Variants in PSMD11 observed in about 807,000 individuals in gnomAD.
PSMD11 encodes 26S proteasome non-ATPase regulatory subunit 11.
PSMD11 carries 5 observed loss-of-function variants against 62.3 expected under a neutral mutation model. The observed-to-expected ratio is 0.08, with a 90% CI of 0.04 to 0.17. The LOEUF (loss-of-function observed/expected upper bound fraction) is 0.17. Ranked by LOEUF, PSMD11 falls within the 10% of genes least tolerant of loss-of-function variation. PSMD11 has a pLI of 1.00. For missense variants in PSMD11, 310 were observed against 512.9 expected, an observed-to-expected ratio of 0.60 and a Z score of 3.82; for synonymous variants, 191 against 191.8, an observed-to-expected ratio of 1.00 and a Z score of 0.03.
intron 3 of PSMD11, among the ~76,000 whole-genome samples, chr17:32,457,265 C>A (rs1473206211): frequency 6.6e-6 from 1 of 151,942 alleles, no homozygotes; most frequent in Non-Finnish European, 1.5e-5. Flanking sequence ...TTTGAGACAG[C>A]CTTGCTCTGT....
intron 1 of PSMD11, chr17:32,445,206 A>G (rs1350616148): frequency 1.3e-5 from 2 of 156,292 alleles, no homozygotes; most frequent in Non-Finnish European, 2.8e-5. Flanking sequence ...CAGGGGTGAC[A>G]CACACCTCAG....
intron 11 of PSMD11, 74 bp downstream of exon 11, chr17:32,479,960 T>A: frequency 3.2e-6 from 5 of 1,543,764 alleles, no homozygotes; most frequent in Non-Finnish European, 4.5e-6. Context: ...TGCACCTGAT[T>A]GGCCTCATTG....
chr17:32,457,133 T>C (rs1907675782), intron 3 of PSMD11, among the ~76,000 whole-genome samples: 1 of 152,238 alleles, frequency 6.6e-6, no homozygotes, highest in African/African-American at 2.4e-5. Flanking sequence ...GCACATTACA[T>C]TTATATAAAG....
chr17:32,476,125 A>G (rs1262145743), intron 8 of PSMD11, among the ~76,000 whole-genome samples: 1 of 151,870 alleles, frequency 6.6e-6, no homozygotes, highest in African/African-American at 2.4e-5. Context: ...TTAGCCGGGC[A>G]TGGTAGTGCA....
intron 2 of PSMD11, among the ~76,000 whole-genome samples, chr17:32,451,219 A>T (rs918914576): frequency 6.6e-6 from 1 of 152,200 alleles, no homozygotes; most frequent in African/African-American, 2.4e-5. Context: ...CAGTGCTTAG[A>T]GAAAATATTG....
chr17:32,474,736 A>C (rs1261355451), intron 7 of PSMD11, 28 bp from the exon 8 acceptor site: 1 of 1,611,276 alleles, frequency 6.2e-7, no homozygotes, highest in East Asian at 2.2e-5. Context: ...CATCTGCAGC[A>C]ATTGACCAAG....
intron 2 of PSMD11, among the ~76,000 whole-genome samples, chr17:32,450,260 C>CT (rs35091081): frequency 0.013 from 1,807 of 142,278 alleles, 11 homozygotes; most frequent in Middle Eastern, 0.021. Context: ...TGTGCCTGGC[C>CT]TTTTTTTTTT....
At chr17:32,444,958 C>G in intron 1 of PSMD11, 1 of 386,968 alleles carries the variant, frequency 2.6e-6, no homozygotes, top group Non-Finnish European at 4.6e-6. Context: ...GGAGCAGTGC[C>G]GGCCGGCGTG....
chr17:32,479,443 C>A, intron 10 of PSMD11, 67 bp downstream of exon 10: 1 of 1,581,282 alleles, frequency 6.3e-7, no homozygotes, highest in Non-Finnish European at 8.6e-7. Flanking sequence ...CCTTCCACAC[C>A]TGTCCAGAAT....
chr17:32,444,912 C>T (rs1262383150), intron 1 of PSMD11: 2 of 480,198 alleles, frequency 4.2e-6, no homozygotes, highest in Admixed American at 4.1e-5. Context: ...CTAGCCATGT[C>T]CCCGGCTCTG....
Position 32,446,962 on chromosome 17 carries a change from GA to G in PSMD11, c.113del (p.Asn38ThrfsTer33). ...LHSIVKRDIQENDEEAVQVKE... is the reference protein window; with the variant it reads ...LHSIVKRDIQXNDEEAVQVKE... ...TCTCCCAGTGAAGCGTGACATTCAG[GA>G]AAACGATGAAGAGGCAGTGCAAGTC... On this transcript the variant is annotated frameshift_variant, in exon 2 of 14. Transcript: ENST00000261712. LOFTEE classifies it high-confidence loss of function. The G allele has an allele frequency of 6.2e-7, 1 of 1,611,556 alleles. No homozygotes were observed. Among genetic ancestry groups the G allele is most frequent in the South Asian group, 1.1e-5 (1 of 90,798 alleles).
chr17:32,477,699 T>C (rs960620876), intron 9 of PSMD11, 116 bp downstream of exon 9: 6 of 928,792 alleles, frequency 6.5e-6, no homozygotes, highest in Non-Finnish European at 9.8e-6. Flanking sequence ...AATGATTCCA[T>C]GTATCCTTCA....
intron 5 of PSMD11, among the ~76,000 whole-genome samples, chr17:32,467,554 A>G (rs771699091): frequency 2.0e-5 from 3 of 152,058 alleles, no homozygotes; most frequent in African/African-American, 7.2e-5. Flanking sequence ...CCTCCTTTAT[A>G]TGTATGTCTT....
At chr17:32,466,988 A>T (rs923717670) in intron 5 of PSMD11, among the ~76,000 whole-genome samples, 3 of 152,208 alleles carry the variant, frequency 2.0e-5, no homozygotes, top group Middle Eastern at 3.4e-3. Context: ...TTTGTTACCC[A>T]GGCTGGAGTG....
intron 3 of PSMD11, among the ~76,000 whole-genome samples, chr17:32,456,782 C>T (rs1000372440): frequency 7.9e-5 from 12 of 152,160 alleles, no homozygotes; most frequent in African/African-American, 2.9e-4. Context: ...CTGCCTGCCT[C>T]GGCCTCCCAA....
chr17:32,475,037 C>T (rs773548257), intron 8 of PSMD11, among the ~76,000 whole-genome samples: 4 of 152,152 alleles, frequency 2.6e-5, no homozygotes, highest in Admixed American at 6.6e-5. Flanking sequence ...ATGGACATCA[C>T]GTTGTTTGAG....
intron 6 of PSMD11, among the ~76,000 whole-genome samples, chr17:32,472,515 C>T (rs1192803489): frequency 6.6e-6 from 1 of 151,122 alleles, no homozygotes; most frequent in Non-Finnish European, 1.5e-5. Context: ...TTAGAGTTTA[C>T]AGACGTGAGC....
At chr17:32,463,941 GCAA>G in intron 3 of PSMD11, 105 bp from the exon 4 acceptor site, 1 of 1,009,162 alleles carries the variant, frequency 9.9e-7, no homozygotes, top group Non-Finnish European at 1.6e-6. Context: ...ACTAAATAGA[GCAA>G]CATGGATAAT....
chr17:32,448,453 T>C lies in PSMD11; in HGVS notation c.193+1407T>C, dbSNP rs1159189635. Among the ~76,000 whole-genome samples, 4 of 151,898 alleles carry C rather than the reference T, an allele frequency of 2.6e-5. No individual in the cohort carries two copies. In the East Asian group the frequency reaches 7.7e-4, roughly 29 times the overall value. On this transcript the variant is annotated intron_variant, in intron 2 of 13. Transcript: ENST00000261712. ...TGCGATCTCGGCTCACTGCAACCTC[T>C]GCCTCCCAGGTTCAAGCGATTCTAC...
Sources: gnomAD v4.1 joint callset for allele counts (sites outside exome capture counted in the v4.1 genomes callset) on GRCh38, gnomAD v4.1.1 for gene constraint, MANE v1.5 for transcripts, NCBI Gene and HGNC (gene_info 2026-07-23, HGNC 2026-07-21) for gene names.